Variants in ZNF33B observed in about 807,000 individuals in gnomAD.
ZNF33B encodes zinc finger protein 11b (KOX 2).
A neutral mutation model predicts 45.8 loss-of-function variants in ZNF33B; 29 were observed. The ratio of observed to expected loss-of-function variants is 0.63; its 90% CI spans 0.47 to 0.86. The LOEUF is 0.86. Among genes scored for constraint, ZNF33B ranks in the 40% least tolerant of loss-of-function variants. The pLI, the probability that ZNF33B is intolerant of heterozygous loss-of-function variation, is 0.00. For synonymous variants in ZNF33B, 305 were observed against 307.8 expected, an observed-to-expected ratio of 0.99 and a Z score of 0.10; for missense variants, 831 against 909.9, an observed-to-expected ratio of 0.91 and a Z score of 1.12.
At chr10:42,609,177 A>G (rs1837995624) in intron 4 of ZNF33B, among the ~76,000 whole-genome samples, 1 of 152,222 alleles carries the variant, frequency 6.6e-6, no homozygotes, top group South Asian at 2.1e-4. Flanking sequence ...CAACTTTGGG[A>G]GGCCAAGGCA....
chr10:42,575,255 G>C (rs573605647), intron 1 of ZNF33B, among the ~76,000 whole-genome samples: 2 of 152,106 alleles, frequency 1.3e-5, no homozygotes, highest in African/African-American at 4.8e-5. Context: ...TTAATGTGGC[G>C]CGTGGAGGTG....
intron 4 of ZNF33B, among the ~76,000 whole-genome samples, chr10:42,612,083 ATTTTT>A (rs879895916): frequency 6.8e-6 from 1 of 146,048 alleles, no homozygotes; most frequent in East Asian, 2.0e-4. Context: ...TTTCCTGCAG[ATTTTT>A]TTTTTTTATC....
At chr10:42,623,811 A>T (rs951280185) in intron 4 of ZNF33B, among the ~76,000 whole-genome samples, 6 of 152,250 alleles carry the variant, frequency 3.9e-5, no homozygotes, top group Non-Finnish European at 7.3e-5. Flanking sequence ...AACTGTTAAA[A>T]TGGCAAATTT....
chr10:42,636,310 T>C (rs1839297466), intron 2 of ZNF33B, among the ~76,000 whole-genome samples: 1 of 152,132 alleles, frequency 6.6e-6, no homozygotes, highest in Non-Finnish European at 1.5e-5. Flanking sequence ...CCCTATGTTA[T>C]AACCAAAAAA....
At chr10:42,636,694 C>T (rs1332457057) in intron 2 of ZNF33B, 7 of 580,194 alleles carry the variant, frequency 1.2e-5, no homozygotes, top group Non-Finnish European at 2.1e-5. Flanking sequence ...GCGGCCTGCG[C>T]CTGTAGTCCC....
At chr10:42,605,493 T>C (rs968243479) in intron 4 of ZNF33B, among the ~76,000 whole-genome samples, 6 of 152,096 alleles carry the variant, frequency 3.9e-5, no homozygotes, top group Non-Finnish European at 8.8e-5. Flanking sequence ...CAGAACTATT[T>C]GCAAAACAGA....
rs1837029354 is a variant in ZNF33B at position 42,589,745 on chromosome 10, C to T, written c.*2868G>A. The T allele has an allele frequency of 6.6e-6, 1 of 152,124 alleles. No homozygotes were observed. Among genetic ancestry groups the T allele is most frequent in the Admixed American group, 6.5e-5 (1 of 15,270 alleles). 9.4% of individuals were successfully genotyped at this position (152,124 alleles called of 1,614,324 possible). A position where few individuals can be genotyped will look rare whatever the true frequency, so the allele number is the denominator to read the frequency against. ...CAAAGACAATCATGTTATTTGAGAA[C>T]AAAGACAGTTGTATTTCCTCCTTCC... On this transcript the variant is annotated 3_prime_UTR_variant, in exon 5 of 5. Transcript: ENST00000359467.
intron 4 of ZNF33B, among the ~76,000 whole-genome samples, chr10:42,604,820 CTG>C: frequency 6.6e-6 from 1 of 151,900 alleles, no homozygotes; most frequent in South Asian, 2.1e-4. Flanking sequence ...ACTCTGGAGG[CTG>C]AGGCAGGAGA....
chr10:42,620,499 C>T (rs1838525357), intron 4 of ZNF33B, among the ~76,000 whole-genome samples: 1 of 151,866 alleles, frequency 6.6e-6, no homozygotes, highest in African/African-American at 2.4e-5. Flanking sequence ...ACTTCCTGGG[C>T]TCAAGGGATC....
intron 4 of ZNF33B, among the ~76,000 whole-genome samples, chr10:42,627,671 C>A (rs915419243): frequency 7.2e-5 from 11 of 152,276 alleles, no homozygotes; most frequent in African/African-American, 2.6e-4. Flanking sequence ...CTATAAATTT[C>A]TCTATCAGCA....
intron 1 of ZNF33B, chr10:42,582,878 C>T (rs1001622666): frequency 9.5e-6 from 4 of 420,728 alleles, no homozygotes; most frequent in African/African-American, 8.0e-5. Context: ...CAGTGCATCT[C>T]TTTGAAGTAG....
intron 4 of ZNF33B, among the ~76,000 whole-genome samples, chr10:42,623,350 A>T (rs1838672933): frequency 6.6e-6 from 1 of 151,672 alleles, no homozygotes; most frequent in African/African-American, 2.4e-5. Flanking sequence ...TTGATAAAAC[A>T]ATTCTACTCC....
chr10:42,619,227 G>A (rs74137910), intron 4 of ZNF33B, among the ~76,000 whole-genome samples: 6,745 of 152,100 alleles, frequency 0.044, 480 homozygotes, highest in African/African-American at 0.15. Context: ...GGAAAAAGGC[G>A]ACTTCAAATG....
chr10:42,627,851 G>A (rs1230747168), intron 4 of ZNF33B, among the ~76,000 whole-genome samples: 1 of 152,018 alleles, frequency 6.6e-6, no homozygotes, highest in African/African-American at 2.4e-5. Context: ...TTCTATTACT[G>A]ATTTGTAGTT....
intron 4 of ZNF33B, among the ~76,000 whole-genome samples, chr10:42,626,663 G>C (rs569145109): frequency 6.1e-4 from 92 of 150,952 alleles, no homozygotes; most frequent in African/African-American, 1.9e-3. Context: ...ACTCCAGCCT[G>C]GGTGACAAAA....
At chr10:42,597,272 A>G (rs1031124237) in intron 4 of ZNF33B, among the ~76,000 whole-genome samples, 1 of 152,126 alleles carries the variant, frequency 6.6e-6, no homozygotes, top group African/African-American at 2.4e-5. Context: ...AGTTACTCAG[A>G]ATGTATAAAA....
At chr10:42,623,751 T>C (rs1358509021) in intron 4 of ZNF33B, among the ~76,000 whole-genome samples, 1 of 152,244 alleles carries the variant, frequency 6.6e-6, no homozygotes, top group African/African-American at 2.4e-5. Flanking sequence ...AAATTGTGGT[T>C]ATGGCTATAC....
chr10:42,628,516 T>C (rs1838913861), intron 4 of ZNF33B, among the ~76,000 whole-genome samples: 1 of 152,240 alleles, frequency 6.6e-6, no homozygotes, highest in African/African-American at 2.4e-5. Context: ...TGAGGTTTGC[T>C]AGAGACACAT....
chr10:42,606,795 TA>T (rs34274785), intron 4 of ZNF33B, among the ~76,000 whole-genome samples: 98,505 of 140,516 alleles, frequency 0.7, 33,592 homozygotes, highest in East Asian at 0.76. Context: ...GAACTTAAAG[TA>T]AAAAAAAAAA....
Sources: allele counts gnomAD v4.1 joint callset (sites outside exome capture counted in the v4.1 genomes callset), GRCh38; gene constraint gnomAD v4.1.1; transcripts MANE v1.5; gene names NCBI Gene and HGNC (gene_info 2026-07-23, HGNC 2026-07-21).